The following CLINT1 variants were observed in gnomAD, a reference collection of about 807,000 sequenced individuals.
CLINT1 encodes clathrin interacting protein localized in the trans-Golgi region.
In CLINT1, 15 loss-of-function variants were observed where a neutral mutation model predicts 70.4. The observed-to-expected ratio is 0.21, with a 90% confidence interval of 0.14 to 0.33. The LOEUF is 0.33. Ranked by LOEUF, CLINT1 falls within the 10% of genes least tolerant of loss-of-function variation. CLINT1 has a pLI of 1.00. For synonymous variants in CLINT1, 227 were observed against 254.7 expected (o/e 0.89, Z 1.04); for missense variants, 615 against 778.1 (o/e 0.79, Z 2.49).
At chr5:157,819,591 C>T (rs906472836) in intron 1 of CLINT1, among the ~76,000 whole-genome samples, 3 of 152,118 alleles carry the variant, frequency 2.0e-5, no homozygotes, top group African/African-American at 7.2e-5. Flanking sequence ...ATTTAAGATG[C>T]CACAAAATGA....
At chr5:157,842,134 G>A (rs890090155) in intron 1 of CLINT1, among the ~76,000 whole-genome samples, 6 of 152,084 alleles carry the variant, frequency 3.9e-5, no homozygotes, top group African/African-American at 7.2e-5. Context: ...TACTTTTACC[G>A]AATGTTGATA....
At chr5:157,837,480 A>ATTCTAAAAACTCATAC (rs1006928081) in intron 1 of CLINT1, among the ~76,000 whole-genome samples, 8 of 152,114 alleles carry the variant, frequency 5.3e-5, no homozygotes, top group Non-Finnish European at 1.2e-4. Flanking sequence ...ATCATCATGT[A>ATTCTAAAAACTCATAC]TTCTAAAAAC....
chr5:157,803,845 T>C (rs1762305878), intron 7 of CLINT1, 126 bp from the exon 8 acceptor site: 4 of 548,670 alleles, frequency 7.3e-6, no homozygotes, highest in Non-Finnish European at 5.9e-6. Flanking sequence ...TAGGGTTTTC[T>C]GGAAAAAGAG....
intron 5 of CLINT1, among the ~76,000 whole-genome samples, chr5:157,811,094 G>A (rs1762542206): frequency 6.6e-6 from 1 of 152,140 alleles, no homozygotes; most frequent in Non-Finnish European, 1.5e-5. Flanking sequence ...TTCAACAACA[G>A]TGTGATGAAC....
At chr5:157,796,667 C>G (rs538857548) in intron 8 of CLINT1, among the ~76,000 whole-genome samples, 1 of 152,298 alleles carries the variant, frequency 6.6e-6, no homozygotes, top group South Asian at 2.1e-4. Flanking sequence ...TGTCTTATCG[C>G]TGAAAGACAT....
At chr5:157,798,636 A>G (rs969010066) in intron 8 of CLINT1, among the ~76,000 whole-genome samples, 2 of 152,192 alleles carry the variant, frequency 1.3e-5, no homozygotes, top group African/African-American at 2.4e-5. Context: ...AAGTTTTAGA[A>G]TATCAATAAG....
chr5:157,808,416 C>A (rs895291444), intron 6 of CLINT1, among the ~76,000 whole-genome samples: 1 of 152,078 alleles, frequency 6.6e-6, no homozygotes, highest in East Asian at 1.9e-4. Context: ...CACTTGAAGG[C>A]TTGGTTCCAT....
chr5:157,788,997 T>C (rs1319324721), intron 11 of CLINT1, among the ~76,000 whole-genome samples: 1 of 127,154 alleles, frequency 7.9e-6, no homozygotes, highest in Non-Finnish European at 1.7e-5. Flanking sequence ...AAAGAAAACA[T>C]AGAAAGAAAT....
Position 157,789,410 on chromosome 5 carries a change from G to A in CLINT1, c.1484C>T (p.Pro495Leu). Residue 495 changes from proline (P) to leucine (L), a missense_variant, in exon 11 of 12, where the codon CCT (proline) becomes CTT (leucine). Physicochemically the swap from Pro to Leu is moderately conservative, Grantham distance 98. This residue lies in a region of CLINT1 where 374 missense variants were observed against 409.6 expected (regional missense o/e 0.91). Transcript: ENST00000411809. Reference sequence around the variant, plus strand: ...CAGTGATGGCTGCTGGGGTTTGGAAGGCTGCATACCAGGTAGTAAGTTGTC... The same window carrying A: ...CAGTGATGGCTGCTGGGGTTTGGAAAGCTGCATACCAGGTAGTAAGTTGTC... Reference protein sequence around the residue: ...SLDNLLPGMQPSKPQQPSLNT... With the variant: ...SLDNLLPGMQLSKPQQPSLNT... 6.2e-7 allele frequency: 1 copy of A among 1,613,954 alleles called. No individual in the cohort carries two copies. The highest frequency in any genetic ancestry group is 8.5e-7 in the Non-Finnish European group (1 of 1,179,860).
At chr5:157,803,855 G>T in intron 7 of CLINT1, 136 bp from the exon 8 acceptor site, 1 of 495,690 alleles carries the variant, frequency 2.0e-6, no homozygotes, top group Middle Eastern at 5.7e-4. Context: ...TGGAAAAAGA[G>T]TACTGACCTT....
At chr5:157,852,235 C>A (rs533354659) in intron 1 of CLINT1, among the ~76,000 whole-genome samples, 1 of 152,314 alleles carries the variant, frequency 6.6e-6, no homozygotes, top group East Asian at 1.9e-4. Context: ...ATATGTCTTT[C>A]CAAAGACTTT....
intron 1 of CLINT1, among the ~76,000 whole-genome samples, chr5:157,830,936 G>A (rs533096421): frequency 6.6e-5 from 10 of 151,662 alleles, no homozygotes; most frequent in Middle Eastern, 3.4e-3. Context: ...GAGGGTGGAG[G>A]GTGGGGCTGA....
Position 157,787,851 on chromosome 5 carries a change from G to T in CLINT1, c.1673C>A (p.Thr558Asn). The T allele has an allele frequency of 6.2e-7, 1 of 1,613,938 alleles. No individual in the cohort carries two copies. Among genetic ancestry groups the T allele is most frequent in the Non-Finnish European group, 8.5e-7 (1 of 1,179,878 alleles). ...PMPMSMPNVM[T>N]GTMGMAPLGN... ...AAGAGGGGCCATTCCCATGGTGCCA[G>T]TCATCACATTGGGCATGCTCATAGG... Residue 558 changes from threonine (T) to asparagine (N), a missense_variant, in exon 12 of 12, where the codon ACT (threonine) becomes AAT (asparagine). This residue lies in a region of CLINT1 where 374 missense variants were observed against 409.6 expected (regional missense o/e 0.91). Transcript: ENST00000411809.
chr5:157,819,464 TC>T (rs753258050), intron 1 of CLINT1, among the ~76,000 whole-genome samples: 5 of 152,070 alleles, frequency 3.3e-5, no homozygotes, highest in Admixed American at 2.6e-4. Flanking sequence ...TTCGTTAAAA[TC>T]CAGTAATGCT....
At chr5:157,814,571 C>T (rs6886561) in intron 3 of CLINT1, among the ~76,000 whole-genome samples, 20,368 of 152,014 alleles carry the variant, frequency 0.13, 1,796 homozygotes, top group African/African-American at 0.25. Flanking sequence ...TATCAGAATG[C>T]TTGATATAAA....
At chr5:157,830,276 T>A (rs1485359199) in intron 1 of CLINT1, among the ~76,000 whole-genome samples, 1 of 152,164 alleles carries the variant, frequency 6.6e-6, no homozygotes, top group Non-Finnish European at 1.5e-5. Context: ...CCAAAAATAT[T>A]TTTAGTTTAT....
intron 1 of CLINT1, among the ~76,000 whole-genome samples, chr5:157,826,278 G>A (rs1377226313): frequency 1.3e-5 from 2 of 152,012 alleles, no homozygotes; most frequent in South Asian, 2.1e-4. Context: ...CTCACCACCG[G>A]ATAATGAATA....
chr5:157,836,586 C>T lies in CLINT1; in HGVS notation c.42-19039G>A, dbSNP rs531283654. ...AAAATTCCTCATCAGCTGCTTATGA[C>T]CCTTAGAATAAACCCAAACTCCACA... On this transcript the variant is annotated intron_variant, in intron 1 of 11. Transcript: ENST00000411809. 2.1e-4 allele frequency among the ~76,000 whole-genome samples: 32 copies of T among 152,254 alleles called. No homozygotes were observed. The East Asian group carries it at 6.0e-3, about 28-fold the overall frequency.
At chr5:157,842,882 A>G (rs2113304896) in intron 1 of CLINT1, among the ~76,000 whole-genome samples, 1 of 152,316 alleles carries the variant, frequency 6.6e-6, no homozygotes, top group East Asian at 1.9e-4. Context: ...ATTCTTTCCT[A>G]TTGCTGGCAG....
Sources: allele counts gnomAD v4.1 joint callset (sites outside exome capture counted in the v4.1 genomes callset), GRCh38; gene constraint gnomAD v4.1.1; regional missense constraint gnomAD v4.1.1; transcripts MANE v1.5; gene names NCBI Gene and HGNC (gene_info 2026-07-23, HGNC 2026-07-21).